CDH18: variants seen among roughly 807,000 people sequenced by gnomAD.
The protein encoded by CDH18 is cadherin-18.
In CDH18, 31 loss-of-function variants were observed where a neutral mutation model predicts 67.9. The observed-to-expected ratio is 0.46, with a 90% confidence interval of 0.34 to 0.62. The LOEUF is 0.62. Ranked by LOEUF, CDH18 falls within the 20% of genes least tolerant of loss-of-function variation. The probability of loss-of-function intolerance (pLI) is 0.01; values close to 1 mark genes in which losing one functional copy is unlikely to be tolerated. For synonymous variants in CDH18, 362 were observed against 347.2 expected (o/e 1.04, Z -0.48); for missense variants, 890 against 975.5 (o/e 0.91, Z 1.17).
At chr5:19,695,974 C>T (rs569406478) in intron 5 of CDH18, among the ~76,000 whole-genome samples, 107 of 152,158 alleles carry the variant, frequency 7.0e-4, no homozygotes, top group African/African-American at 2.5e-3. Flanking sequence ...AAACTATCAG[C>T]GTAAGCATAG....
intron 1 of CDH18, among the ~76,000 whole-genome samples, chr5:20,453,573 ATGTGTGTGTG>A (rs5866426): frequency 6.6e-6 from 1 of 150,632 alleles, no homozygotes; most frequent in Non-Finnish European, 1.5e-5. Context: ...GTATATATAT[ATGTGTGTGTG>A]TGTGTGTGTA....
At chr5:19,814,478 G>A (rs1259900046) in intron 3 of CDH18, among the ~76,000 whole-genome samples, 1 of 147,870 alleles carries the variant, frequency 6.8e-6, no homozygotes, top group Non-Finnish European at 1.5e-5. Context: ...GTTGGTGGCT[G>A]GTTGTTCTAT....
At chr5:19,777,038 G>A (rs972083946) in intron 3 of CDH18, among the ~76,000 whole-genome samples, 1 of 152,142 alleles carries the variant, frequency 6.6e-6, no homozygotes, top group Non-Finnish European at 1.5e-5. Flanking sequence ...TCAGCACTTT[G>A]GGAAGCCGAG....
intron 2 of CDH18, among the ~76,000 whole-genome samples, chr5:19,847,237 T>C (rs1783087901): frequency 6.6e-6 from 1 of 152,110 alleles, no homozygotes. Context: ...TCTCAATTTC[T>C]TATTTTTATT....
At chr5:20,125,650 C>T (rs930391817) in intron 2 of CDH18, among the ~76,000 whole-genome samples, 1 of 152,052 alleles carries the variant, frequency 6.6e-6, no homozygotes, top group Non-Finnish European at 1.5e-5. Context: ...TCTACATGGA[C>T]CTCTGTTTAA....
chr5:19,740,255 TA>T (rs1768926666), intron 4 of CDH18, among the ~76,000 whole-genome samples: 1 of 152,126 alleles, frequency 6.6e-6, no homozygotes, highest in African/African-American at 2.4e-5. Flanking sequence ...ACAGAAGAGT[TA>T]AAAATTTGTA....
chr5:19,642,006 A>C (rs1420626360), intron 5 of CDH18, among the ~76,000 whole-genome samples: 1 of 152,000 alleles, frequency 6.6e-6, no homozygotes, highest in Non-Finnish European at 1.5e-5. Flanking sequence ...GCAGGATCCC[A>C]AATCAGTACA....
At chr5:20,442,073 A>C (rs539547388) in intron 1 of CDH18, among the ~76,000 whole-genome samples, 1 of 152,026 alleles carries the variant, frequency 6.6e-6, no homozygotes, top group African/African-American at 2.4e-5. Context: ...TTGCATAGTT[A>C]GTCCCTCTAT....
intron 1 of CDH18, among the ~76,000 whole-genome samples, chr5:20,399,063 A>T (rs531992861): frequency 6.6e-6 from 1 of 152,344 alleles, no homozygotes; most frequent in South Asian, 2.1e-4. Context: ...ATTAAAAAGA[A>T]AAAAAGCAAT....
At chr5:19,715,809 C>T (rs115544141) in intron 5 of CDH18, among the ~76,000 whole-genome samples, 2,445 of 137,664 alleles carry the variant, frequency 0.018, 40 homozygotes, top group African/African-American at 0.047. Flanking sequence ...AAATTCTTGT[C>T]GATCTCTTTT....
chr5:19,501,436 C>T (rs1743224828), intron 11 of CDH18, among the ~76,000 whole-genome samples: 1 of 147,420 alleles, frequency 6.8e-6, no homozygotes, highest in Non-Finnish European at 1.5e-5. Flanking sequence ...AACCCTGTCT[C>T]TACTGAAAAA....
intron 1 of CDH18, among the ~76,000 whole-genome samples, chr5:20,279,728 A>AAAAAAAAG (rs1746094325): frequency 7.0e-6 from 1 of 143,082 alleles, no homozygotes; most frequent in Non-Finnish European, 1.5e-5. Flanking sequence ...AAAAAAAAAA[A>AAAAAAAAG]GCAAAAACTG....
Position 19,736,615 on chromosome 5 carries a change from T to G in CDH18, c.523+10327A>C, listed in dbSNP as rs1768363547. Among the ~76,000 whole-genome samples the G allele has an allele frequency of 2.0e-5, 3 of 152,200 alleles. No homozygotes were observed. The South Asian group carries it at 6.2e-4, about 32-fold the overall frequency. On this transcript the variant is annotated intron_variant, in intron 4 of 12. Coordinates refer to ENST00000382275, the MANE Select transcript of CDH18 (RefSeq NM_004934.5). ...TATTTTTCTAGTTTTTTTGTGTGTG[T>G]TTGTTTTCTATACTACGTAATAAAT...
intron 2 of CDH18, among the ~76,000 whole-genome samples, chr5:20,165,965 A>C (rs1039199512): frequency 2.0e-5 from 3 of 152,132 alleles, no homozygotes; most frequent in Non-Finnish European, 4.4e-5. Flanking sequence ...TCTTGTTTTA[A>C]ATAGCTGTTA....
intron 9 of CDH18, among the ~76,000 whole-genome samples, chr5:19,527,030 A>T (rs1580007944): frequency 6.6e-6 from 1 of 151,942 alleles, no homozygotes; most frequent in Non-Finnish European, 1.5e-5. Flanking sequence ...CTTATAGGAA[A>T]ATTTAGAACT....
At chr5:20,059,676 C>A (rs1446912888) in intron 2 of CDH18, among the ~76,000 whole-genome samples, 1 of 152,132 alleles carries the variant, frequency 6.6e-6, no homozygotes, top group Non-Finnish European at 1.5e-5. Context: ...ATGTTTATTG[C>A]AGCACTGTTC....
intron 2 of CDH18, among the ~76,000 whole-genome samples, chr5:20,223,860 G>A (rs1470582014): frequency 6.6e-6 from 1 of 152,096 alleles, no homozygotes; most frequent in Non-Finnish European, 1.5e-5. Flanking sequence ...CCATGATTGT[G>A]AAGCCTCGCA....
intron 1 of CDH18, among the ~76,000 whole-genome samples, chr5:20,290,314 C>T (rs558935384): frequency 6.6e-6 from 1 of 152,260 alleles, no homozygotes; most frequent in Admixed American, 6.5e-5. Flanking sequence ...AGCATCAAAA[C>T]AGGCATGCTT....
At chr5:20,167,244 C>G (rs1283178539) in intron 2 of CDH18, among the ~76,000 whole-genome samples, 1 of 152,018 alleles carries the variant, frequency 6.6e-6, no homozygotes, top group Non-Finnish European at 1.5e-5. Context: ...AATTTAAACA[C>G]CAAATAAATG....
Sources: gnomAD v4.1 joint callset for allele counts (sites outside exome capture counted in the v4.1 genomes callset) on GRCh38, gnomAD v4.1.1 for gene constraint, MANE v1.5 for transcripts, NCBI Gene and HGNC (gene_info 2026-07-23, HGNC 2026-07-21) for gene names.